The following PGM1 variants were observed in gnomAD, a reference collection of about 807,000 sequenced individuals.
PGM1 encodes phosphoglucomutase 1.
PGM1 carries 52 observed loss-of-function variants against 55.6 expected under a neutral mutation model. The observed-to-expected ratio is 0.94, with a 90% confidence interval of 0.75 to 1.18. PGM1 has a LOEUF of 1.18. Among genes scored for constraint, PGM1 ranks in the 50% most tolerant of loss-of-function variants. The pLI is 0.00. For missense variants in PGM1, 724 were observed against 729.3 expected (o/e 0.99, Z 0.08); for synonymous variants, 287 against 271.7 (o/e 1.06, Z -0.55).
chr1:63,640,087 T>C (rs965077110), intron 7 of PGM1, among the ~76,000 whole-genome samples: 17 of 152,326 alleles, frequency 1.1e-4, no homozygotes, highest in African/African-American at 3.6e-4. Context: ...CATGCTATTC[T>C]GAGGGATACT....
chr1:63,659,434 T>C, intron 10 of PGM1, 152 bp from the exon 11 acceptor site: 1 of 706,474 alleles, frequency 1.4e-6, no homozygotes, highest in Non-Finnish European at 2.6e-6. Flanking sequence ...TGGAACTAGG[T>C]ATTGGGGGAA....
At chr1:63,595,232 C>G (rs1648026224) in intron 1 of PGM1, among the ~76,000 whole-genome samples, 1 of 152,166 alleles carries the variant, frequency 6.6e-6, no homozygotes, top group Non-Finnish European at 1.5e-5. Flanking sequence ...TCTCATTTAT[C>G]CTCCTGCAGC....
At chr1:63,630,849 A>G (rs1029597631) in intron 3 of PGM1, among the ~76,000 whole-genome samples, 1 of 152,182 alleles carries the variant, frequency 6.6e-6, no homozygotes, top group Non-Finnish European at 1.5e-5. Context: ...AATGCATTTT[A>G]TTAGTCATTT....
chr1:63,604,606 C>A (rs977983202), intron 1 of PGM1, among the ~76,000 whole-genome samples: 1 of 152,058 alleles, frequency 6.6e-6, no homozygotes, highest in Non-Finnish European at 1.5e-5. Context: ...GGCATATGGC[C>A]CCCTGAAAAT....
intron 10 of PGM1, among the ~76,000 whole-genome samples, chr1:63,654,965 C>G (rs1202017966): frequency 6.9e-6 from 1 of 145,854 alleles, no homozygotes; most frequent in Non-Finnish European, 1.5e-5. Context: ...TAATGAATCT[C>G]TCTTTTTTTT....
chr1:63,634,869 C>T lies in PGM1; in HGVS notation c.723C>T (p.Leu241=), dbSNP rs201051387. ...PYVKKILCEE[L]GAPANSAVNC... The stretch of plus-strand genomic sequence containing the variant: ...TAAAGAAGATCCTCTGTGAAGAACT[C>T]GGTGCCCCTGCGAACTCGGCAGTTA... The change falls in exon 5 of 11, where the codon CTC becomes CTT. Residue 241 remains leucine (L), a synonymous_variant. Transcript: ENST00000371084. The T allele has an allele frequency of 7.6e-5, 123 of 1,613,618 alleles. No homozygotes were observed. Among genetic ancestry groups the T allele is most frequent in the South Asian group, 3.4e-4 (31 of 91,036 alleles).
At chr1:63,599,241 C>T (rs1006899194) in intron 1 of PGM1, among the ~76,000 whole-genome samples, 2 of 152,074 alleles carry the variant, frequency 1.3e-5, no homozygotes, top group Non-Finnish European at 2.9e-5. Context: ...TCTTGGCTCA[C>T]TGTAACCTCC....
chr1:63,639,053 G>A (rs912182587), intron 7 of PGM1, among the ~76,000 whole-genome samples: 12 of 152,144 alleles, frequency 7.9e-5, no homozygotes, highest in South Asian at 2.1e-4. Context: ...CCTCAGCAGC[G>A]TGGTCATTGA....
chr1:63,609,516 C>T (rs750907872), intron 1 of PGM1, among the ~76,000 whole-genome samples: 8 of 152,066 alleles, frequency 5.3e-5, no homozygotes, highest in South Asian at 2.1e-4. Flanking sequence ...CAACAGGGTG[C>T]GAATTCTATT....
intron 10 of PGM1, among the ~76,000 whole-genome samples, chr1:63,657,719 A>G (rs1650003946): frequency 6.6e-6 from 1 of 152,098 alleles, no homozygotes; most frequent in Non-Finnish European, 1.5e-5. Context: ...CATGAGTAGT[A>G]TAGTTGCTTT....
intron 4 of PGM1, among the ~76,000 whole-genome samples, chr1:63,633,900 G>A (rs1387376940): frequency 6.7e-5 from 3 of 44,740 alleles, no homozygotes; most frequent in African/African-American, 2.6e-4. Flanking sequence ...GTGTGTGTGT[G>A]TGTGTGTGTG....
chr1:63,658,136 A>C (rs914212388), intron 10 of PGM1, among the ~76,000 whole-genome samples: 1 of 152,184 alleles, frequency 6.6e-6, no homozygotes, highest in Non-Finnish European at 1.5e-5. Context: ...CCAAGCCCTA[A>C]GGGGAAATGT....
chr1:63,636,347 C>G lies in PGM1; in HGVS notation c.987C>G (p.Arg329=). Residue 329 remains arginine, a synonymous_variant, in exon 6 of 11, where the codon CGC becomes CGG. Transcript: ENST00000371084. ...SIPYFQQTGV[R]GFARSMPTSG... ...CGTATTTCCAGCAGACTGGGGTCCG[C>G]GGCTTTGCACGGAGCATGCCCACGA... The G allele has an allele frequency of 6.2e-7, 1 of 1,614,116 alleles. No homozygotes were observed. Among genetic ancestry groups the G allele is most frequent in the Non-Finnish European group, 8.5e-7 (1 of 1,179,996 alleles).
At chr1:63,595,326 A>G (rs1648030350) in intron 1 of PGM1, among the ~76,000 whole-genome samples, 1 of 152,174 alleles carries the variant, frequency 6.6e-6, no homozygotes, top group African/African-American at 2.4e-5. Flanking sequence ...ATTTACAAAA[A>G]CTATAATGGC....
intron 1 of PGM1, chr1:63,593,935 G>C (rs1647955342): frequency 8.1e-7 from 1 of 1,232,472 alleles, no homozygotes; most frequent in Non-Finnish European, 1.0e-6. Context: ...AAGTGGCCAC[G>C]GGACCCGGCA....
At chr1:63,611,386 TAGGACTCATCCTAACTCCAGCATTGC>T (rs1648560368) in intron 1 of PGM1, among the ~76,000 whole-genome samples, 1 of 152,090 alleles carries the variant, frequency 6.6e-6, no homozygotes. Context: ...GACTGTAAAG[TAGGACTCATCCTAACTCCAGCATTGC>T]AGGAAGGGAA....
chr1:63,659,749 A>T lies in PGM1; in HGVS notation c.*74A>T. 1 of 1,111,200 alleles carries T rather than the reference A, an allele frequency of 9.0e-7. No individual in the cohort carries two copies. 68.8% of individuals were successfully genotyped at this position (1,111,200 alleles called of 1,614,324 possible). A position where few individuals can be genotyped will look rare whatever the true frequency, so the allele number is the denominator to read the frequency against. On this transcript the variant is annotated 3_prime_UTR_variant, in exon 11 of 11. Transcript: ENST00000371084. ...GTCATCTGATTGAAGAGCATGACAG[A>T]AACAAAATGTATTCACCAAGCATTT...
rs757506323 is a variant in PGM1, at chr1:63,623,686, G to GT, written c.247-5738dup. Reference sequence around the variant, plus strand: ...AAAAGATCGCCAGGGATCATCACTGGTGGTTGGTGGAGATGGGCGGTACTT... The same window carrying GT: ...AAAAGATCGCCAGGGATCATCACTGGTTGGTTGGTGGAGATGGGCGGTACTT... On this transcript the variant is annotated intron_variant, in intron 1 of 10. Transcript: ENST00000371084. The GT allele has an allele frequency of 3.1e-6, 5 of 1,612,640 alleles. No homozygotes were observed. The East Asian group carries it at 6.7e-5, about 22-fold the overall frequency.
At chr1:63,620,367 T>C (rs59108398) in intron 1 of PGM1, among the ~76,000 whole-genome samples, 3,037 of 152,292 alleles carry the variant, frequency 0.02, 104 homozygotes, top group African/African-American at 0.07. Flanking sequence ...ATCACAAGCA[T>C]AGGGCCTTGG....
Sources: allele counts gnomAD v4.1 joint callset (sites outside exome capture counted in the v4.1 genomes callset), GRCh38; gene constraint gnomAD v4.1.1; transcripts MANE v1.5; gene names NCBI Gene and HGNC (gene_info 2026-07-23, HGNC 2026-07-21).